MIGA1: variants seen among roughly 807,000 people sequenced by gnomAD.
MIGA1 encodes the protein mitoguardin 1.
A neutral mutation model predicts 82.0 loss-of-function variants in MIGA1; 58 were observed. That is an observed-to-expected ratio of 0.71 (90% CI 0.57 to 0.88). The LOEUF (loss-of-function observed/expected upper bound fraction) is 0.88. Among genes scored for constraint, MIGA1 ranks in the 40% least tolerant of loss-of-function variants. The pLI, the probability that MIGA1 is intolerant of heterozygous loss-of-function variation, is 0.00. For synonymous variants in MIGA1, 249 were observed against 253.6 expected, an observed-to-expected ratio of 0.98 and a Z score of 0.17; for missense variants, 751 against 749.1, an observed-to-expected ratio of 1.00 and a Z score of -0.03.
intron 2 of MIGA1, among the ~76,000 whole-genome samples, chr1:77,783,776 T>G (rs1682023832): frequency 6.6e-6 from 1 of 152,308 alleles, no homozygotes; most frequent in Non-Finnish European, 1.5e-5. Context: ...ATATCCAGAA[T>G]TTTTTTCATC....
At chr1:77,857,447 C>T (rs866756056) in intron 8 of MIGA1, among the ~76,000 whole-genome samples, 28 of 151,898 alleles carry the variant, frequency 1.8e-4, no homozygotes, top group Admixed American at 1.3e-4. Context: ...TCAGGTGATC[C>T]GCCTGCCTCA....
rs1684694526 is a variant in MIGA1, at chr1:77,843,298, A to G, written c.896-9A>G. ...TCACTTTCTGAACTTTTCACCTTTTACTTTTAAGATAAAGATACAGATATC... is the reference window on the plus strand; with the variant it reads ...TCACTTTCTGAACTTTTCACCTTTTGCTTTTAAGATAAAGATACAGATATC... On this transcript the variant is annotated splice_polypyrimidine_tract_variant and intron_variant, in intron 7 of 15. Transcript: ENST00000370791. 1 of 1,591,538 alleles carries G rather than the reference A, an allele frequency of 6.3e-7. No homozygotes were observed.
chr1:77,815,026 CT>C, intron 6 of MIGA1, 81 bp from the exon 7 acceptor site: 4 of 997,250 alleles, frequency 4.0e-6, no homozygotes, highest in Non-Finnish European at 4.1e-6. Context: ...CTTTCTTTGC[CT>C]TTTATTTAAA....
At chr1:77,868,440 T>C (rs1256732193) in intron 14 of MIGA1, 5 of 152,346 alleles carry the variant, frequency 3.3e-5, no homozygotes, top group African/African-American at 1.2e-4. Flanking sequence ...TTGGCCAGGC[T>C]AATCTCAAAC....
At chr1:77,814,637 G>T (rs893514557) in intron 6 of MIGA1, among the ~76,000 whole-genome samples, 1 of 152,224 alleles carries the variant, frequency 6.6e-6, no homozygotes. Context: ...ACATAAAGGT[G>T]TAGAGCTAGA....
chr1:77,796,161 C>T (rs912473484), intron 2 of MIGA1, among the ~76,000 whole-genome samples: 2 of 150,202 alleles, frequency 1.3e-5, no homozygotes, highest in African/African-American at 4.9e-5. Context: ...CTCTGTCACC[C>T]AGGTTGGAGC....
intron 5 of MIGA1, among the ~76,000 whole-genome samples, chr1:77,812,045 G>T (rs1683359307): frequency 6.6e-6 from 1 of 152,214 alleles, no homozygotes; most frequent in South Asian, 2.1e-4. Context: ...CAGGTGTGGT[G>T]GCTCACACCT....
rs568384703 is a variant in MIGA1 at position 77,876,144 on chromosome 1, T to A, written c.*1080T>A. On this transcript the variant is annotated 3_prime_UTR_variant, in exon 16 of 16. Coordinates refer to ENST00000370791, the MANE Select transcript of MIGA1 (RefSeq NM_198549.4). ...TGAGACTCTGTCTCAAAAAATAAAT[T>A]AATTAAATTAAATTAATTAGTTGGG... 7.9e-5 allele frequency: 12 copies of A among 152,082 alleles called. No homozygotes were observed. In the East Asian group the frequency reaches 1.2e-3, roughly 15 times the overall value. 9.4% of individuals were successfully genotyped at this position (152,082 alleles called of 1,614,324 possible).
intron 14 of MIGA1, among the ~76,000 whole-genome samples, chr1:77,866,923 G>A (rs949686859): frequency 3.3e-5 from 5 of 151,860 alleles, no homozygotes; most frequent in Admixed American, 2.0e-4. Context: ...CAGGTTATCC[G>A]CCCGCCTTGG....
intron 2 of MIGA1, among the ~76,000 whole-genome samples, chr1:77,794,612 T>A (rs1034404066): frequency 6.6e-6 from 1 of 152,180 alleles, no homozygotes; most frequent in African/African-American, 2.4e-5. Context: ...TGGTGTCTCA[T>A]TCCTATAATC....
chr1:77,859,629 T>C (rs1571007230), intron 10 of MIGA1: 1 of 472,020 alleles, frequency 2.1e-6, no homozygotes, highest in East Asian at 3.1e-5. Flanking sequence ...GATATTTTGA[T>C]ACTTCAGGAG....
intron 8 of MIGA1, among the ~76,000 whole-genome samples, chr1:77,850,137 GAAGACCT>G (rs1214170554): frequency 6.6e-6 from 1 of 151,932 alleles, no homozygotes; most frequent in African/African-American, 2.4e-5. Flanking sequence ...TCCATTAACA[GAAGACCT>G]AAGTTTCTTA....
intron 2 of MIGA1, among the ~76,000 whole-genome samples, chr1:77,798,466 G>A (rs1465400257): frequency 1.3e-5 from 2 of 152,232 alleles, no homozygotes; most frequent in Non-Finnish European, 2.9e-5. Context: ...GCAGACAAGA[G>A]AGAAGTGAGA....
intron 2 of MIGA1, among the ~76,000 whole-genome samples, chr1:77,785,270 C>A (rs543348197): frequency 6.6e-6 from 1 of 151,986 alleles, no homozygotes; most frequent in African/African-American, 2.4e-5. Flanking sequence ...ATGGCTATTC[C>A]GAATGGGAAA....
chr1:77,878,836 C>T lies in MIGA1; in HGVS notation c.*3772C>T, dbSNP rs895917368. On this transcript the variant is annotated 3_prime_UTR_variant, in exon 16 of 16. Coordinates refer to ENST00000370791, the MANE Select transcript of MIGA1 (RefSeq NM_198549.4). Reference sequence around the variant, plus strand: ...AAGTTTTCCATACTGTCACAGTAAGCTCCAAAGAACTTTGTCTTTCTCATA... The same window carrying T: ...AAGTTTTCCATACTGTCACAGTAAGTTCCAAAGAACTTTGTCTTTCTCATA... 2 of 380,742 alleles carry T rather than the reference C, an allele frequency of 5.3e-6. No homozygotes were observed. Among genetic ancestry groups the T allele is most frequent in the Non-Finnish European group, 4.7e-6 (1 of 213,810 alleles). The allele number at this position is 380,742 out of a possible 1,614,324, so 23.6% of individuals were successfully genotyped here. A position where few individuals can be genotyped will look rare whatever the true frequency, so the allele number is the denominator to read the frequency against.
chr1:77,822,373 C>T (rs1391043490), intron 7 of MIGA1, among the ~76,000 whole-genome samples: 1 of 152,088 alleles, frequency 6.6e-6, no homozygotes, highest in Non-Finnish European at 1.5e-5. Context: ...CTGTAGTGAG[C>T]TATGTTGGTA....
intron 14 of MIGA1, among the ~76,000 whole-genome samples, chr1:77,869,859 G>A (rs1196079124): frequency 2.6e-5 from 3 of 115,506 alleles, no homozygotes; most frequent in East Asian, 2.9e-4. Flanking sequence ...CTGGCCAGGC[G>A]GGGGGCTGAT....
intron 1 of MIGA1, among the ~76,000 whole-genome samples, chr1:77,780,893 T>A (rs976230686): frequency 1.3e-5 from 2 of 151,564 alleles, no homozygotes; most frequent in African/African-American, 2.4e-5. Flanking sequence ...TTTGTCATAA[T>A]ATTTTTTCTT....
intron 2 of MIGA1, among the ~76,000 whole-genome samples, chr1:77,798,037 T>C (rs550202168): frequency 4.5e-4 from 69 of 152,362 alleles, no homozygotes; most frequent in African/African-American, 1.7e-3. Context: ...ATTTAGTTTT[T>C]CACCATTAAG....
Sources: allele counts gnomAD v4.1 joint callset (sites outside exome capture counted in the v4.1 genomes callset), GRCh38; gene constraint gnomAD v4.1.1; transcripts MANE v1.5; gene names NCBI Gene and HGNC (gene_info 2026-07-23, HGNC 2026-07-21).